Variants in DOCK10 observed in about 807,000 individuals in gnomAD.
DOCK10 encodes dedicator of cytokinesis protein 10.
DOCK10 carries 145 observed loss-of-function variants against 280.1 expected under a neutral mutation model. That is an observed-to-expected ratio of 0.52 (90% confidence interval 0.45 to 0.59). The LOEUF (loss-of-function observed/expected upper bound fraction) is 0.59, where lower values mean the gene tolerates loss of function less well. Among genes scored for constraint, DOCK10 ranks in the 20% least tolerant of loss-of-function variants. The pLI, the probability that DOCK10 is intolerant of heterozygous loss-of-function variation, is 0.00. For synonymous variants in DOCK10, 915 were observed against 942.2 expected, an observed-to-expected ratio of 0.97 and a Z score of 0.53; for missense variants, 2,368 against 2,651.7, an observed-to-expected ratio of 0.89 and a Z score of 2.35.
chr2:224,800,286 T>C lies in DOCK10; in HGVS notation c.4394-23A>G, dbSNP rs759279868. The C allele has an allele frequency of 6.1e-6, 9 of 1,470,996 alleles. 1 individual carries two copies. In the South Asian group the frequency reaches 8.2e-5, roughly 13 times the overall value. The allele number at this position is 1,470,996 out of a possible 1,614,324, so 91.1% of individuals were successfully genotyped here. ...TGCCTATAAAATACAAAATAAAACA[T>C]GCGTAAAAGTCTAAGACAATGCTTT... On this transcript the variant is annotated intron_variant, in intron 40 of 55. Coordinates refer to ENST00000258390, the MANE Select transcript of DOCK10 (RefSeq NM_014689.3).
chr2:224,901,024 T>C (rs922214506), intron 3 of DOCK10, among the ~76,000 whole-genome samples: 16 of 152,190 alleles, frequency 1.1e-4, no homozygotes, highest in African/African-American at 3.9e-4. Context: ...TCTAAATCTG[T>C]GATTTCTGTG....
intron 1 of DOCK10, among the ~76,000 whole-genome samples, chr2:225,014,081 A>ATATATATATATATATATATTTTT (rs776104946): frequency 1.0e-5 from 1 of 96,800 alleles, no homozygotes; most frequent in African/African-American, 4.7e-5. Context: ...GTCTGAATAT[A>ATATATATATATATATATATTTTT]TTGTTTTTTT....
At chr2:224,784,283 A>G (rs1366724656) in intron 50 of DOCK10, among the ~76,000 whole-genome samples, 2 of 152,216 alleles carry the variant, frequency 1.3e-5, no homozygotes, top group Non-Finnish European at 2.9e-5. Context: ...AGTTTTTTCA[A>G]TATCTTGGGA....
intron 1 of DOCK10, among the ~76,000 whole-genome samples, chr2:224,957,250 C>G (rs1704089148): frequency 6.7e-6 from 1 of 150,274 alleles, no homozygotes. Flanking sequence ...CTCCCCAACC[C>G]TAGGTCTAAA....
chr2:224,800,418 T>TAAAA (rs1692903418), intron 40 of DOCK10, among the ~76,000 whole-genome samples, 155 bp from the exon 41 acceptor site: 5 of 152,240 alleles, frequency 3.3e-5, no homozygotes, highest in Non-Finnish European at 7.3e-5. Flanking sequence ...GTTTCTTCAT[T>TAAAA]GACTGAATTA....
At position 224,874,124 on chromosome 2, in the gene DOCK10, A is replaced by C; in HGVS notation, c.1129T>G (p.Leu377Val). 1 of 1,601,364 alleles carries C rather than the reference A, an allele frequency of 6.2e-7. No individual in the cohort carries two copies. The highest frequency in any genetic ancestry group is 8.5e-7 in the Non-Finnish European group (1 of 1,174,080). Residue 377 changes from leucine (L) to valine (V), a missense_variant, in exon 11 of 56, where the codon TTG becomes GTG. Physicochemically the swap from Leu to Val is conservative, Grantham distance 32 (BLOSUM62 1). Around this residue, in one of 2 missense-constraint regions of DOCK10, gnomAD observed 1,209 missense variants for 1,250.9 expected, o/e 0.97. Coordinates refer to ENST00000258390, the MANE Select transcript of DOCK10 (RefSeq NM_014689.3). Reference sequence around the variant, plus strand: ...GGTTTGATCACAGACTCAGGTTCCAAGAGATCTTTTTTTTGAAGTTTCAAG... The same window carrying C: ...GGTTTGATCACAGACTCAGGTTCCACGAGATCTTTTTTTTGAAGTTTCAAG... ...DTLKLQKKDL[L>V]EPESVIKPFE... is the part of the protein sequence containing the mutation.
rs555334896 is a variant in DOCK10 at position 225,017,638 on chromosome 2, C to CAA, written c.123+24612_123+24613dup. 6.3e-3 allele frequency among the ~76,000 whole-genome samples: 579 copies of CAA among 92,514 alleles called. 6 individuals carry two copies. Among genetic ancestry groups the CAA allele is most frequent in the African/African-American group, 0.022 (558 of 25,510 alleles). The allele number at this position is 92,514 out of a possible 152,430, so 60.7% of individuals were successfully genotyped here. On this transcript the variant is annotated intron_variant, in intron 1 of 55. Coordinates refer to ENST00000258390, the MANE Select transcript of DOCK10 (RefSeq NM_014689.3). ...CCCTTAGTAATTTTTTCTGCTTTGT[C>CAA]AAAAAAAAAATGTGGATAGAACTGT...
intron 21 of DOCK10, 66 bp downstream of exon 21, chr2:224,845,137 A>G: frequency 6.8e-7 from 1 of 1,466,134 alleles, no homozygotes; most frequent in African/African-American, 1.4e-5. Flanking sequence ...GCAGAGAAAG[A>G]AGATAATCTT....
At chr2:224,801,293 A>AAAC (rs1692984073) in intron 40 of DOCK10, among the ~76,000 whole-genome samples, 1 of 151,538 alleles carries the variant, frequency 6.6e-6, no homozygotes, top group Non-Finnish European at 1.5e-5. Flanking sequence ...AAAAAAAAAA[A>AAAC]AAAAAAAAAA....
chr2:224,800,119 T>C, intron 41 of DOCK10, 32 bp downstream of exon 41: 2 of 1,352,140 alleles, frequency 1.5e-6, no homozygotes, highest in Non-Finnish European at 2.1e-6. Flanking sequence ...TATTTCATCA[T>C]TTTTTGCAGA....
intron 1 of DOCK10, among the ~76,000 whole-genome samples, chr2:225,015,867 G>A (rs1286419200): frequency 1.3e-5 from 2 of 152,048 alleles, no homozygotes; most frequent in African/African-American, 4.8e-5. Flanking sequence ...CATTTGGTAA[G>A]GGTATTAAAG....
At position 224,806,252 on chromosome 2, in the gene DOCK10, T is replaced by C. The variant is rs767172451; in HGVS notation, c.3703-15A>G. On this transcript the variant is annotated splice_polypyrimidine_tract_variant and intron_variant, in intron 33 of 55. Transcript: ENST00000258390. ...TCTCTAGACCCCTGTATTCAAAGTA[T>C]AGTAAAGATTAATGGGAATCATGGC... The C allele has an allele frequency of 4.1e-6, 6 of 1,452,902 alleles. No homozygotes were observed. Among genetic ancestry groups the C allele is most frequent in the East Asian group, 2.3e-5 (1 of 43,184 alleles). 90.0% of individuals were successfully genotyped at this position (1,452,902 alleles called of 1,614,324 possible).
rs1574934207 is a variant in DOCK10 at position 224,849,674 on chromosome 2, C to T, written c.2143-75G>A. The T allele has an allele frequency of 4.9e-6, 5 of 1,028,350 alleles. No individual in the cohort carries two copies. In the East Asian group the frequency reaches 1.3e-4, roughly 27 times the overall value. 63.7% of individuals were successfully genotyped at this position (1,028,350 alleles called of 1,614,324 possible). On this transcript the variant is annotated intron_variant, in intron 18 of 55. Transcript: ENST00000258390. Reference sequence around the variant, plus strand: ...CTGGGTGAAAAAAAAGTCCATAACTCTTCAGTACCAACCCTGGGACAATGG... The same window carrying T: ...CTGGGTGAAAAAAAAGTCCATAACTTTTCAGTACCAACCCTGGGACAATGG...
chr2:224,842,152 T>C (rs931078854), intron 22 of DOCK10, among the ~76,000 whole-genome samples: 6 of 152,226 alleles, frequency 3.9e-5, no homozygotes, highest in South Asian at 4.1e-4. Context: ...CACATGACAA[T>C]GGCTGGAGAA....
chr2:225,001,016 T>C (rs1047900308), intron 1 of DOCK10, among the ~76,000 whole-genome samples: 1 of 152,188 alleles, frequency 6.6e-6, no homozygotes, highest in African/African-American at 2.4e-5. Flanking sequence ...TGTGTTAATC[T>C]GGCTAATGAT....
At position 224,778,209 on chromosome 2, in the gene DOCK10, G is replaced by A; in HGVS notation, c.5731C>T (p.Gln1911Ter). The A allele has an allele frequency of 6.2e-7, 1 of 1,612,340 alleles. No individual in the cohort carries two copies. The highest frequency in any genetic ancestry group is 8.5e-7 in the Non-Finnish European group (1 of 1,178,938). ...TCTGCATAGAGCTTGAGTAATCTTT[G>A]GGAAATCTCGGACAGACCTGTCAGC... is the stretch of plus-strand genomic sequence containing the variant. ...PKLTGLSEISQRLLKLYADKF... is the reference protein window; with the variant it reads ...PKLTGLSEIS Residue 1911 changes from glutamine to a stop codon, truncating the protein, a stop_gained, in exon 51 of 56, where the codon CAA becomes TAA. Coordinates refer to ENST00000258390, the MANE Select transcript of DOCK10 (RefSeq NM_014689.3). LOFTEE classifies it high-confidence loss of function.
chr2:224,817,488 C>G (rs988501135), intron 29 of DOCK10, among the ~76,000 whole-genome samples: 9 of 152,138 alleles, frequency 5.9e-5, no homozygotes, highest in African/African-American at 2.2e-4. Context: ...AGAATTATAT[C>G]TTGTGGCAAC....
At chr2:224,929,616 A>G (rs1702214744) in intron 2 of DOCK10, among the ~76,000 whole-genome samples, 1 of 152,228 alleles carries the variant, frequency 6.6e-6, no homozygotes, top group Non-Finnish European at 1.5e-5. Context: ...CAGCCATGGA[A>G]TAAAATAGTT....
At chr2:225,021,284 A>C (rs965639596) in intron 1 of DOCK10, among the ~76,000 whole-genome samples, 1 of 152,214 alleles carries the variant, frequency 6.6e-6, no homozygotes, top group Non-Finnish European at 1.5e-5. Context: ...GGCAGGTAAC[A>C]GACGGTTGGT....
Sources: allele counts gnomAD v4.1 joint callset (sites outside exome capture counted in the v4.1 genomes callset), GRCh38; gene constraint gnomAD v4.1.1; regional missense constraint gnomAD v4.1.1; transcripts MANE v1.5; gene names NCBI Gene and HGNC (gene_info 2026-07-23, HGNC 2026-07-21).